The following ZNF845 variants were observed in gnomAD, a reference collection of about 807,000 sequenced individuals.
The protein encoded by ZNF845 is zinc finger protein 845.
In ZNF845, 59 loss-of-function variants were observed where a neutral mutation model predicts 76.1. The observed-to-expected ratio is 0.78, with a 90% CI of 0.63 to 0.96. ZNF845 has a LOEUF of 0.96. Ranked by LOEUF, ZNF845 falls within the 40% of genes least tolerant of loss-of-function variation. The pLI is 0.00. For missense variants in ZNF845, 1,045 were observed against 1,172.8 expected, an observed-to-expected ratio of 0.89 and a Z score of 1.59; for synonymous variants, 361 against 386.9, an observed-to-expected ratio of 0.93 and a Z score of 0.78.
intron 1 of ZNF845, among the ~76,000 whole-genome samples, chr19:53,337,892 G>T (rs1195447177): frequency 6.6e-6 from 1 of 151,986 alleles, no homozygotes; most frequent in Non-Finnish European, 1.5e-5. Flanking sequence ...GTAGAGACAG[G>T]GTTTCACCTT....
intron 1 of ZNF845, among the ~76,000 whole-genome samples, chr19:53,335,138 G>A (rs972819609): frequency 1.5e-4 from 23 of 152,276 alleles, no homozygotes; most frequent in African/African-American, 5.1e-4. Context: ...TTCAGCCAGA[G>A]GGTAGTGACT....
Position 53,351,564 on chromosome 19 carries a change from A to T in ZNF845, c.889A>T (p.Lys297Ter). 1 of 1,614,168 alleles carries T rather than the reference A, an allele frequency of 6.2e-7. No homozygotes were observed. ...TCHHRLHTGE[K>*]HYKCSECGKT... is the part of the protein sequence containing the mutation. ...CCATCATAGACTTCATACTGGAGAGAAACATTACAAGTGCAGTGAGTGTGG... is the reference window on the plus strand; with the variant it reads ...CCATCATAGACTTCATACTGGAGAGTAACATTACAAGTGCAGTGAGTGTGG... The change falls in exon 4 of 4, where the codon AAA (lysine) becomes TAA (stop). Residue 297 changes from lysine to a stop codon, truncating the protein, a stop_gained. Coordinates refer to ENST00000458035, the MANE Select transcript of ZNF845 (RefSeq NM_138374.3). LOFTEE classifies it high-confidence loss of function.
rs371128323 is a variant in ZNF845, at chr19:53,337,861, G to T, written c.-73-3374G>T. Among the ~76,000 whole-genome samples the T allele has an allele frequency of 3.4e-4, 51 of 152,042 alleles. 1 individual carries two copies. The South Asian group carries it at 0.01, about 30-fold the overall frequency. On this transcript the variant is annotated intron_variant, in intron 1 of 3. Transcript: ENST00000458035. ...GGTACAGGTATGAGCCACCGCGCCC[G>T]CCCCAATTTTTGTATTTTTAGTAGA...
At position 53,356,674 on chromosome 19, in the gene ZNF845, A is replaced by T. The variant is rs1316975472; in HGVS notation, c.*3086A>T. 1 of 152,246 alleles carries T rather than the reference A, an allele frequency of 6.6e-6. No homozygotes were observed. Among genetic ancestry groups the T allele is most frequent in the Non-Finnish European group, 1.5e-5 (1 of 68,060 alleles). The allele number at this position is 152,246 out of a possible 1,614,324, so 9.4% of individuals were successfully genotyped here. ...GCCGGGCGTGGTGGCTCACGCCTGT[A>T]ATCCCAGCACTTTGGGAGGCTAAGG... On this transcript the variant is annotated 3_prime_UTR_variant, in exon 4 of 4. Coordinates refer to ENST00000458035, the MANE Select transcript of ZNF845 (RefSeq NM_138374.3).
intron 2 of ZNF845, among the ~76,000 whole-genome samples, chr19:53,345,145 G>A (rs977539598): frequency 2.6e-5 from 4 of 151,944 alleles, no homozygotes; most frequent in Admixed American, 1.3e-4. Flanking sequence ...GTGAAACTCC[G>A]TCTCTACTAA....
In ZNF845 at chr19:53,353,144, A is replaced by C; in HGVS notation, c.2469A>C (p.Ala823=). The change falls in exon 4 of 4, where the codon GCA becomes GCC. Residue 823 remains alanine (A), a synonymous_variant. Coordinates refer to ENST00000458035, the MANE Select transcript of ZNF845 (RefSeq NM_138374.3). ...RHNSALVIHK[A]IHSGEKPYKC... ...ATTCAGCCCTTGTAATTCATAAGGC[A>C]ATTCATAGTGGAGAGAAACCTTACA... 1 of 1,612,134 alleles carries C rather than the reference A, an allele frequency of 6.2e-7. No individual in the cohort carries two copies.
rs555213000 is a variant in ZNF845 at position 53,337,773 on chromosome 19, T to C, written c.-73-3462T>C. 2.6e-5 allele frequency among the ~76,000 whole-genome samples: 4 copies of C among 152,112 alleles called. No individual in the cohort carries two copies. In the East Asian group the frequency reaches 7.8e-4, roughly 30 times the overall value. On this transcript the variant is annotated intron_variant, in intron 1 of 3. Transcript: ENST00000458035. ...TAGAGATGGAGTTTCACCATCTTGG[T>C]CAGGCTGGTCTCGAACTCCAGACCT...
chr19:53,351,832 A>G lies in ZNF845; in HGVS notation c.1157A>G (p.Asn386Ser), dbSNP rs760723510. The G allele has an allele frequency of 1.2e-6, 2 of 1,613,820 alleles. No individual in the cohort carries two copies. The highest frequency in any genetic ancestry group is 1.1e-5 in the South Asian group (1 of 91,072). The change falls in exon 4 of 4, where the codon AAT becomes AGT. Residue 386 changes from asparagine (N) to serine (S), a missense_variant. Asn to Ser is a conservative substitution (Grantham distance 46). Coordinates refer to ENST00000458035, the MANE Select transcript of ZNF845 (RefSeq NM_138374.3). ...ACTGGAGAGAAACCTTACAAGTGTA[A>G]TGAATGCAGCAGGACCTTTAGTCGG... The part of the protein sequence containing the change: ...IHTGEKPYKC[N>S]ECSRTFSRKS...
intron 3 of ZNF845, 92 bp downstream of exon 3, chr19:53,345,724 C>T: frequency 1.3e-6 from 2 of 1,580,482 alleles, no homozygotes; most frequent in South Asian, 2.3e-5. Context: ...GCTCTGTCAC[C>T]CAGGGTGGAG....
chr19:53,341,051 T>C (rs2085252925), intron 1 of ZNF845, 184 bp from the exon 2 acceptor site: 1 of 609,832 alleles, frequency 1.6e-6, no homozygotes, highest in Admixed American at 3.0e-5. Context: ...CCATATTGGC[T>C]GCTCTGCATG....
chr19:53,351,531 C>T lies in ZNF845; in HGVS notation c.856C>T (p.Leu286Phe). 1 of 1,614,154 alleles carries T rather than the reference C, an allele frequency of 6.2e-7. No individual in the cohort carries two copies. The highest frequency in any genetic ancestry group is 1.6e-4 in the Middle Eastern group (1 of 6,062). ...CGKTFSQELTLTCHHRLHTGE... is the reference protein window; with the variant it reads ...CGKTFSQELTFTCHHRLHTGE... ...CAAGACCTTCAGTCAGGAGTTAACC[C>T]TTACATGCCATCATAGACTTCATAC... Residue 286 changes from leucine (L) to phenylalanine (F), a missense_variant, in exon 4 of 4, where the codon CTT becomes TTT. Coordinates refer to ENST00000458035, the MANE Select transcript of ZNF845 (RefSeq NM_138374.3).
intron 3 of ZNF845, among the ~76,000 whole-genome samples, chr19:53,349,548 G>A (rs1208750870): frequency 2.6e-5 from 4 of 152,022 alleles, no homozygotes; most frequent in African/African-American, 9.7e-5. Flanking sequence ...GATTACAGGC[G>A]TGAACCACTG....
In ZNF845 at chr19:53,334,284, C is replaced by T. The variant is rs552450318; in HGVS notation, c.-74+492C>T. Among the ~76,000 whole-genome samples the T allele has an allele frequency of 1.3e-4, 20 of 152,256 alleles. No individual in the cohort carries two copies. In the South Asian group the frequency reaches 3.1e-3, roughly 24 times the overall value. ...CCGGGTGTTCTTGCCTGCCCTGCAC[C>T]AGCCCCTGGAAAATGCGCTCCTCCG... On this transcript the variant is annotated intron_variant, in intron 1 of 3. Transcript: ENST00000458035.
chr19:53,347,110 T>G (rs1266360571), intron 3 of ZNF845, among the ~76,000 whole-genome samples: 4 of 152,136 alleles, frequency 2.6e-5, no homozygotes, highest in South Asian at 4.1e-4. Flanking sequence ...CTCGAACTTC[T>G]GCCCTCAGGT....
rs572582413 is a variant in ZNF845, at chr19:53,356,623, G to C, written c.*3035G>C. ...TTCCTTTTGTCTCTTTTCTCAGGAC[G>C]TTTATTTAGAAAATTTGTAAATGAG... On this transcript the variant is annotated 3_prime_UTR_variant, in exon 4 of 4. Transcript: ENST00000458035. 1 of 152,018 alleles carries C rather than the reference G, an allele frequency of 6.6e-6. No homozygotes were observed. The highest frequency in any genetic ancestry group is 6.6e-5 in the Admixed American group (1 of 15,262). 9.4% of individuals were successfully genotyped at this position (152,018 alleles called of 1,614,324 possible).
chr19:53,336,791 C>T lies in ZNF845; in HGVS notation c.-74+2999C>T, dbSNP rs548745853. Among the ~76,000 whole-genome samples, 5 of 152,018 alleles carry T rather than the reference C, an allele frequency of 3.3e-5. 1 individual carries two copies. Among genetic ancestry groups the T allele is most frequent in the African/African-American group, 9.6e-5 (4 of 41,476 alleles). ...TTTCCCATTGACATCTGAATTTGTT[C>T]GATTTTTTAAAAAACAATTTCCAAA... On this transcript the variant is annotated intron_variant, in intron 1 of 3. Transcript: ENST00000458035.
In ZNF845 at chr19:53,351,203, A is replaced by T; in HGVS notation, c.528A>T (p.Thr176=). ...TCAACAGTGCTTCGTTGGTTTCAAC[A>T]TCCCAAAGAATTTCTTGTAGGCCTA... ...KSINSASLVS[T]SQRISCRPKT... The change falls in exon 4 of 4, where the codon ACA becomes ACT. Residue 176 remains threonine, a synonymous_variant. Transcript: ENST00000458035. 1.2e-6 allele frequency: 2 copies of T among 1,614,236 alleles called. No individual in the cohort carries two copies. The highest frequency in any genetic ancestry group is 1.1e-5 in the South Asian group (1 of 91,082).
rs997607506 is a variant in ZNF845, at chr19:53,355,453, A to T, written c.*1865A>T. ...ATTTTAGTAAAGACGGGGTTTCACC[A>T]TGTTGGCCCAGATGGTGGGCCAACA... is the stretch of plus-strand genomic sequence containing the variant. On this transcript the variant is annotated 3_prime_UTR_variant, in exon 4 of 4. Coordinates refer to ENST00000458035, the MANE Select transcript of ZNF845 (RefSeq NM_138374.3). 10 of 151,858 alleles carry T rather than the reference A, an allele frequency of 6.6e-5. No individual in the cohort carries two copies. The highest frequency in any genetic ancestry group is 6.6e-4 in the Admixed American group (10 of 15,248). 9.4% of individuals were successfully genotyped at this position (151,858 alleles called of 1,614,324 possible).
At chr19:53,337,074 C>G (rs557427243) in intron 1 of ZNF845, 62 of 456,572 alleles carry the variant, frequency 1.4e-4, no homozygotes, top group African/African-American at 1.2e-3. Flanking sequence ...TGTCCAGGGC[C>G]CCTGCCAGTG....
Sources: gnomAD v4.1 joint callset for allele counts (sites outside exome capture counted in the v4.1 genomes callset) on GRCh38, gnomAD v4.1.1 for gene constraint, MANE v1.5 for transcripts, NCBI Gene and HGNC (gene_info 2026-07-23, HGNC 2026-07-21) for gene names.